The following AHCY variants were observed in gnomAD, a reference collection of about 807,000 sequenced individuals.
AHCY encodes S-adenosyl-L-homocysteine hydrolase.
In AHCY, 24 loss-of-function variants were observed where a neutral mutation model predicts 45.4. That is an observed-to-expected ratio of 0.53 (90% confidence interval 0.38 to 0.74). The LOEUF (loss-of-function observed/expected upper bound fraction) is 0.74, where lower values mean the gene tolerates loss of function less well. Ranked by LOEUF, AHCY falls within the 30% of genes least tolerant of loss-of-function variation. The pLI, the probability that AHCY is intolerant of heterozygous loss-of-function variation, is 0.00. For missense variants in AHCY, 449 were observed against 594.1 expected (o/e 0.76, Z 2.54); for synonymous variants, 245 against 235.1 (o/e 1.04, Z -0.39).
intron 1 of AHCY, among the ~76,000 whole-genome samples, chr20:34,310,097 G>A (rs1464432903): frequency 2.0e-5 from 3 of 151,864 alleles, no homozygotes; most frequent in Non-Finnish European, 4.4e-5. Flanking sequence ...ACTGTTACCC[G>A]GGCTGGAATG....
the AHCY span, among the ~76,000 whole-genome samples, chr20:34,264,949 CCATGCCT>C: frequency 6.6e-6 from 1 of 151,884 alleles, no homozygotes; most frequent in African/African-American, 2.4e-5. Flanking sequence ...GTGTGCACCA[CCATGCCT>C]GGCAGATTTT....
chr20:34,276,073 A>G (rs2035908327), downstream of AHCY, among the ~76,000 whole-genome samples: 1 of 152,160 alleles, frequency 6.6e-6, no homozygotes, highest in African/African-American at 2.4e-5. Context: ...CAATCCTGGC[A>G]GCCCCACTGA....
the AHCY span, among the ~76,000 whole-genome samples, chr20:34,258,948 G>C: frequency 7.0e-6 from 1 of 142,864 alleles, no homozygotes; most frequent in East Asian, 2.0e-4. Flanking sequence ...ATGGCTGAGT[G>C]GTGGCTCACT....
At chr20:34,308,076 T>C (rs2036913823), upstream of AHCY, among the ~76,000 whole-genome samples, 1 of 152,224 alleles carries the variant, frequency 6.6e-6, no homozygotes, top group Admixed American at 6.5e-5. Flanking sequence ...TGGGTTAGTT[T>C]GTTAAGGATA....
chr20:34,258,690 T>TATATATATAC, the AHCY span, among the ~76,000 whole-genome samples: 10 of 72,326 alleles, frequency 1.4e-4, 1 homozygote, highest in African/African-American at 6.6e-4. Flanking sequence ...TATATATATA[T>TATATATATAC]ACATACTATA....
chr20:34,291,501 G>C lies in AHCY; in HGVS notation c.476C>G (p.Thr159Ser). ...GIRGISEETT[T>S]GVHNLYKMMA... ...CATCTTGTAGAGGTTGTGGACCCCA[G>C]TCGTGGTCTCCTCAGAGATGCCTCG... The change falls in exon 5 of 10, where the codon ACT (threonine) becomes AGT (serine). Residue 159 changes from threonine (T) to serine (S), a missense_variant. By Grantham distance (58) the Thr-to-Ser change is moderately conservative. Coordinates refer to ENST00000217426, the MANE Select transcript of AHCY (RefSeq NM_000687.4). The C allele has an allele frequency of 1.2e-6, 2 of 1,614,196 alleles. No individual in the cohort carries two copies. Among genetic ancestry groups the C allele is most frequent in the Non-Finnish European group, 1.7e-6 (2 of 1,180,022 alleles).
At chr20:34,291,149 G>C (rs549269467) in intron 5 of AHCY, among the ~76,000 whole-genome samples, 5 of 152,166 alleles carry the variant, frequency 3.3e-5, no homozygotes, top group African/African-American at 1.2e-4. Context: ...TGCCAGTGTG[G>C]AGCCTTCCTA....
At chr20:34,280,103 A>G (rs575868237), downstream of AHCY, among the ~76,000 whole-genome samples, 2 of 152,186 alleles carry the variant, frequency 1.3e-5, no homozygotes, top group South Asian at 2.1e-4. Context: ...AAAAAAAACG[A>G]AAGAGTTCCC....
At chr20:34,263,641 A>G in the AHCY span, among the ~76,000 whole-genome samples, 4 of 151,082 alleles carry the variant, frequency 2.6e-5, no homozygotes, top group Non-Finnish European at 5.9e-5. Context: ...GGGTCCACTT[A>G]TACATTGGTT....
the AHCY span, among the ~76,000 whole-genome samples, chr20:34,237,636 T>C: frequency 6.6e-6 from 1 of 152,228 alleles, no homozygotes; most frequent in Non-Finnish European, 1.5e-5. Flanking sequence ...TGCGGATGGC[T>C]TTGCTTTCTT....
chr20:34,265,703 A>C, the AHCY span, among the ~76,000 whole-genome samples: 1 of 152,186 alleles, frequency 6.6e-6, no homozygotes, highest in Admixed American at 6.5e-5. Context: ...TAATCCCAGC[A>C]CTTTGGGAGG....
chr20:34,277,658 G>A (rs572293984), downstream of AHCY, among the ~76,000 whole-genome samples: 1 of 151,352 alleles, frequency 6.6e-6, no homozygotes, highest in South Asian at 2.1e-4. Context: ...GGGAGGCTGA[G>A]GCAGGAGAAT....
chr20:34,268,965 A>G, the AHCY span: 37 of 1,582,438 alleles, frequency 2.3e-5, no homozygotes, highest in Non-Finnish European at 3.1e-5. Flanking sequence ...TGGCCGGCTC[A>G]TAAAGCCCCG....
At chr20:34,261,255 T>C in the AHCY span, among the ~76,000 whole-genome samples, 8 of 152,134 alleles carry the variant, frequency 5.3e-5, no homozygotes, top group African/African-American at 1.9e-4. Context: ...CCCAGCACTT[T>C]GGGAAGCTGG....
chr20:34,292,208 C>G (rs2036419201), intron 4 of AHCY, 150 bp downstream of exon 4: 1 of 1,128,238 alleles, frequency 8.9e-7, no homozygotes, highest in Admixed American at 2.1e-5. Flanking sequence ...CAGGAGGCCC[C>G]AGCATGAATG....
chr20:34,241,417 G>A, the AHCY span: 39 of 980,668 alleles, frequency 4.0e-5, no homozygotes, highest in Non-Finnish European at 4.4e-5. Context: ...TTATAGATGA[G>A]CAAGCAGCAA....
the AHCY span, among the ~76,000 whole-genome samples, chr20:34,272,611 G>A: frequency 6.6e-6 from 1 of 152,174 alleles, no homozygotes; most frequent in Non-Finnish European, 1.5e-5. Flanking sequence ...GCAAGGCCAG[G>A]TGCAGTAGCT....
In AHCY at chr20:34,303,336, G is replaced by C. The variant is rs1219414131; in HGVS notation, c.-66C>G. 4.5e-6 allele frequency: 7 copies of C among 1,548,890 alleles called. No individual in the cohort carries two copies. Among genetic ancestry groups the C allele is most frequent in the African/African-American group, 1.4e-5 (1 of 73,028 alleles). ...GCCTCAGTCTGGGAACAGGAACTGG[G>C]CGGGCAGCGCCGAGCAGGGATATGC... is the stretch of plus-strand genomic sequence containing the variant. On this transcript the variant is annotated 5_prime_UTR_variant, in exon 1 of 10. Coordinates refer to ENST00000217426, the MANE Select transcript of AHCY (RefSeq NM_000687.4).
chr20:34,292,558 T>G (rs1178836496), intron 3 of AHCY, 51 bp from the exon 4 acceptor site: 1 of 1,612,680 alleles, frequency 6.2e-7, no homozygotes. Context: ...TGGTACCTGC[T>G]CCAGGGAACA....
Sources: gnomAD v4.1 joint callset for allele counts (sites outside exome capture counted in the v4.1 genomes callset) on GRCh38, gnomAD v4.1.1 for gene constraint, MANE v1.5 for transcripts, NCBI Gene and HGNC (gene_info 2026-07-23, HGNC 2026-07-21) for gene names.